The following POLR3B variants were observed in gnomAD, a reference collection of about 807,000 sequenced individuals.
POLR3B encodes DNA-directed RNA polymerase III subunit RPC2.
In POLR3B, 96 loss-of-function variants were observed where a neutral mutation model predicts 147.4. The ratio of observed to expected loss-of-function variants is 0.65; its 90% CI spans 0.55 to 0.77. The LOEUF is 0.77. POLR3B is among the 30% of genes least tolerant of loss of function. The probability of loss-of-function intolerance (pLI) is 0.00; values close to 1 mark genes in which losing one functional copy is unlikely to be tolerated. For missense variants in POLR3B, 1,036 were observed against 1,413.5 expected (o/e 0.73, Z 4.28); for synonymous variants, 461 against 485.9 (o/e 0.95, Z 0.67).
At chr12:106,446,019 A>G (rs943321087) in intron 19 of POLR3B, among the ~76,000 whole-genome samples, 5 of 152,230 alleles carry the variant, frequency 3.3e-5, no homozygotes, top group African/African-American at 1.2e-4. Context: ...AATAATTCCC[A>G]GTGGGAAAAT....
At chr12:106,413,173 A>T (rs1238772270) in intron 12 of POLR3B, among the ~76,000 whole-genome samples, 1 of 151,980 alleles carries the variant, frequency 6.6e-6, no homozygotes, top group Non-Finnish European at 1.5e-5. Context: ...TCCTGTTGCC[A>T]GTGCTTTTGG....
At chr12:106,479,796 C>CTTCTTTTCTTTTTTTTTTTT (rs2038239772) in intron 23 of POLR3B, among the ~76,000 whole-genome samples, 1 of 133,916 alleles carries the variant, frequency 7.5e-6, no homozygotes, top group African/African-American at 3.0e-5. Context: ...TCTTTCCTTC[C>CTTCTTTTCTTTTTTTTTTTT]TTCTTTTCTT....
chr12:106,494,251 C>G (rs1306896680), intron 23 of POLR3B, among the ~76,000 whole-genome samples: 1 of 152,080 alleles, frequency 6.6e-6, no homozygotes, highest in African/African-American at 2.4e-5. Context: ...CCTTACCCAC[C>G]CCCAATATAA....
chr12:106,397,641 A>G (rs1159858882), intron 10 of POLR3B, among the ~76,000 whole-genome samples: 40 of 152,034 alleles, frequency 2.6e-4, no homozygotes, highest in Admixed American at 2.6e-3. Flanking sequence ...CATCCAAGTT[A>G]TTTCTTTTCA....
intron 23 of POLR3B, among the ~76,000 whole-genome samples, chr12:106,466,583 A>G (rs1030169472): frequency 1.3e-5 from 2 of 152,148 alleles, no homozygotes; most frequent in Non-Finnish European, 2.9e-5. Context: ...TTATGATCCT[A>G]GGTCTTATGT....
At chr12:106,488,487 C>T (rs969920799) in intron 23 of POLR3B, among the ~76,000 whole-genome samples, 1 of 152,158 alleles carries the variant, frequency 6.6e-6, no homozygotes, top group Non-Finnish European at 1.5e-5. Context: ...ACCCTGAAGT[C>T]TTGAGCTCAT....
chr12:106,493,196 C>T (rs184912857), intron 23 of POLR3B, among the ~76,000 whole-genome samples: 2 of 152,320 alleles, frequency 1.3e-5, no homozygotes, highest in East Asian at 1.9e-4. Flanking sequence ...GGAGTGTTAA[C>T]ACATTGAAGC....
intron 23 of POLR3B, among the ~76,000 whole-genome samples, chr12:106,481,339 G>C (rs540488914): frequency 3.1e-4 from 47 of 152,352 alleles, no homozygotes; most frequent in Non-Finnish European, 5.1e-4. Context: ...TTGGTGAGAA[G>C]GGATCAGAGT....
At chr12:106,452,424 A>G (rs959060081) in intron 19 of POLR3B, among the ~76,000 whole-genome samples, 4 of 152,176 alleles carry the variant, frequency 2.6e-5, no homozygotes, top group African/African-American at 9.7e-5. Flanking sequence ...AGCACAATTT[A>G]TAGCAGGATC....
intron 25 of POLR3B, among the ~76,000 whole-genome samples, chr12:106,500,774 G>A (rs573187508): frequency 7.6e-4 from 116 of 152,248 alleles, no homozygotes; most frequent in Middle Eastern, 3.4e-3. Flanking sequence ...AGTGACTGGC[G>A]GGACACTGGA....
rs1158636899 is a variant in POLR3B at position 106,432,254 on chromosome 12, G to A, written c.1465-64G>A. On this transcript the variant is annotated intron_variant, in intron 14 of 27. Transcript: ENST00000228347. ...CCAGCAAAGTAGTGAGCTATTTTCAGATGTAAACTGTACTTTGTATTACTA... is the reference window on the plus strand; with the variant it reads ...CCAGCAAAGTAGTGAGCTATTTTCAAATGTAAACTGTACTTTGTATTACTA... 8 of 1,459,222 alleles carry A rather than the reference G, an allele frequency of 5.5e-6. No homozygotes were observed. In the African/African-American group the frequency reaches 5.6e-5, roughly 10 times the overall value. The allele number at this position is 1,459,222 out of a possible 1,614,324, so 90.4% of individuals were successfully genotyped here.
rs192721600 is a variant in POLR3B at position 106,410,396 on chromosome 12, G to T, written c.967-430G>T. 58 of 198,628 alleles carry T rather than the reference G, an allele frequency of 2.9e-4. No homozygotes were observed. In the East Asian group the frequency reaches 6.9e-3, roughly 24 times the overall value. 12.3% of individuals were successfully genotyped at this position (198,628 alleles called of 1,614,324 possible). A position where few individuals can be genotyped will look rare whatever the true frequency, so the allele number is the denominator to read the frequency against. On this transcript the variant is annotated intron_variant, in intron 11 of 27. Transcript: ENST00000228347. ...AGCCTCTCTCTCTGTGCAACAGAGCGTTCTGGACTTTAGTGTCTCAGGACT... is the reference window on the plus strand; with the variant it reads ...AGCCTCTCTCTCTGTGCAACAGAGCTTTCTGGACTTTAGTGTCTCAGGACT...
intron 23 of POLR3B, among the ~76,000 whole-genome samples, chr12:106,470,781 A>G (rs2038079910): frequency 6.6e-6 from 1 of 152,102 alleles, no homozygotes; most frequent in African/African-American, 2.4e-5. Flanking sequence ...GGTATCACCA[A>G]TGGAGGCTGC....
chr12:106,449,500 C>G (rs2037770187), intron 19 of POLR3B, among the ~76,000 whole-genome samples: 1 of 152,112 alleles, frequency 6.6e-6, no homozygotes, highest in Admixed American at 6.5e-5. Flanking sequence ...GACTGGAAGC[C>G]TTACCAATAA....
chr12:106,392,051 G>C (rs893948021), intron 9 of POLR3B, among the ~76,000 whole-genome samples: 1 of 152,212 alleles, frequency 6.6e-6, no homozygotes, highest in Non-Finnish European at 1.5e-5. Context: ...ATGTGTGAAG[G>C]AGTGAGCCCT....
intron 19 of POLR3B, among the ~76,000 whole-genome samples, chr12:106,444,843 A>T (rs146590383): frequency 6.6e-6 from 1 of 152,314 alleles, no homozygotes; most frequent in Non-Finnish European, 1.5e-5. Flanking sequence ...GCAATGTGTA[A>T]TAAGTGTCAC....
chr12:106,490,359 G>C (rs2038391525), intron 23 of POLR3B, among the ~76,000 whole-genome samples: 1 of 152,198 alleles, frequency 6.6e-6, no homozygotes, highest in Admixed American at 6.5e-5. Context: ...GTGCGCTTCA[G>C]ACTATGCAAA....
intron 6 of POLR3B, among the ~76,000 whole-genome samples, chr12:106,374,279 C>T (rs1202073973): frequency 6.6e-6 from 1 of 152,084 alleles, no homozygotes; most frequent in Non-Finnish European, 1.5e-5. Context: ...TGCAATGGTA[C>T]ACTCATGGCT....
intron 6 of POLR3B, among the ~76,000 whole-genome samples, chr12:106,370,925 C>A (rs2036597787): frequency 6.6e-6 from 1 of 152,148 alleles, no homozygotes; most frequent in Non-Finnish European, 1.5e-5. Context: ...AGCCACCGCG[C>A]CTGGCCTATC....
Sources: gnomAD v4.1 joint callset for allele counts (sites outside exome capture counted in the v4.1 genomes callset) on GRCh38, gnomAD v4.1.1 for gene constraint, MANE v1.5 for transcripts, NCBI Gene and HGNC (gene_info 2026-07-23, HGNC 2026-07-21) for gene names.